Variants in MYLK observed in about 807,000 individuals in gnomAD.
MYLK encodes myosin light chain kinase, also known as myosin light chain kinase, smooth muscle.
MYLK carries 106 observed loss-of-function variants against 203.4 expected under a neutral mutation model. The observed-to-expected ratio is 0.52, with a 90% confidence interval of 0.45 to 0.61. The LOEUF is 0.61. Ranked by LOEUF, MYLK falls within the 20% of genes least tolerant of loss-of-function variation. The pLI is 0.00. For synonymous variants in MYLK, 867 were observed against 959.5 expected (o/e 0.90, Z 1.78); for missense variants, 2,072 against 2,442.3 (o/e 0.85, Z 3.20).
At chr3:123,861,583 C>T (rs1427523596) in intron 2 of MYLK, among the ~76,000 whole-genome samples, 16 of 152,234 alleles carry the variant, frequency 1.1e-4, no homozygotes, top group Non-Finnish European at 1.9e-4. Flanking sequence ...AAGCATTTAT[C>T]CATATGACTC....
chr3:123,808,090 C>T (rs565127895), intron 3 of MYLK, among the ~76,000 whole-genome samples: 6 of 152,342 alleles, frequency 3.9e-5, no homozygotes, highest in South Asian at 4.1e-4. Context: ...AGCTCAAGGC[C>T]GACAGTCAGG....
At position 123,737,465 on chromosome 3, in the gene MYLK, C is replaced by A. The variant is rs773207592; in HGVS notation, c.667G>T (p.Val223Phe). 2.5e-6 allele frequency: 4 copies of A among 1,614,094 alleles called. No homozygotes were observed. The African/African-American group carries it at 5.3e-5, about 22-fold the overall frequency. ...TACACTCCCACGTCATCTTGGTTGA[C>A]TCCATGGATTTCCAGAACCTGCATG... ...NGMQVLEIHG[V>F]NQDDVGVYTC... Residue 223 changes from valine to phenylalanine, a missense_variant, in exon 8 of 34, where the codon GTC becomes TTC. Around this residue, in one of 3 missense-constraint regions of MYLK, gnomAD observed 683 missense variants for 643.8 expected, o/e 1.06. Transcript: ENST00000360304.
intron 19 of MYLK, among the ~76,000 whole-genome samples, chr3:123,684,124 A>G (rs1394090722): frequency 1.3e-5 from 2 of 152,002 alleles, no homozygotes; most frequent in Admixed American, 6.6e-5. Flanking sequence ...CTACAGAAAA[A>G]TCCTCTGGAC....
intron 2 of MYLK, among the ~76,000 whole-genome samples, chr3:123,872,241 A>G (rs2032842734): frequency 6.6e-6 from 1 of 152,208 alleles, no homozygotes; most frequent in Admixed American, 6.5e-5. Context: ...AAAGTACCTT[A>G]TGGCCCACAA....
chr3:123,844,406 T>C (rs2066662032), intron 2 of MYLK, among the ~76,000 whole-genome samples: 1 of 152,162 alleles, frequency 6.6e-6, no homozygotes, highest in South Asian at 2.1e-4. Flanking sequence ...TTCCACATCA[T>C]TCCCAGCCAC....
chr3:123,817,666 G>A (rs1194837828), intron 3 of MYLK, among the ~76,000 whole-genome samples: 1 of 152,200 alleles, frequency 6.6e-6, no homozygotes, highest in African/African-American at 2.4e-5. Context: ...CCTCATGTGT[G>A]CAACGAGATT....
intron 12 of MYLK, among the ~76,000 whole-genome samples, chr3:123,722,765 A>G (rs981001955): frequency 1.3e-5 from 2 of 152,138 alleles, no homozygotes. Context: ...CTCCAGAAAC[A>G]ACGATTCAAT....
chr3:123,802,375 C>T (rs2065226149), intron 3 of MYLK, among the ~76,000 whole-genome samples: 1 of 152,244 alleles, frequency 6.6e-6, no homozygotes, highest in African/African-American at 2.4e-5. Context: ...CCTCTCCCTC[C>T]CCATGGCTTC....
intron 11 of MYLK, among the ~76,000 whole-genome samples, chr3:123,728,490 G>A (rs2062368997): frequency 6.6e-6 from 1 of 152,098 alleles, no homozygotes; most frequent in Admixed American, 6.6e-5. Flanking sequence ...CTGGGTGACA[G>A]AGCGAGACTC....
chr3:123,849,181 G>T (rs1366479722), intron 2 of MYLK, among the ~76,000 whole-genome samples: 2 of 152,076 alleles, frequency 1.3e-5, no homozygotes. Flanking sequence ...TCGCCATGTT[G>T]CTCAGGCTGG....
Position 123,865,753 on chromosome 3 carries a change from C to G in MYLK, c.-127+10806G>C, listed in dbSNP as rs553218034. Among the ~76,000 whole-genome samples, 178 of 152,266 alleles carry G rather than the reference C, an allele frequency of 1.2e-3. 2 individuals carry two copies. The Middle Eastern group carries it at 0.017, about 15-fold the overall frequency. On this transcript the variant is annotated intron_variant, in intron 2 of 33. Transcript: ENST00000360304. ...TCTTGTGGCAGTTTTAAAACATGGTCTCAAAATCTTTGACACTCCTCCTAC... is the reference window on the plus strand; with the variant it reads ...TCTTGTGGCAGTTTTAAAACATGGTGTCAAAATCTTTGACACTCCTCCTAC...
At chr3:123,760,474 G>T (rs1373585187) in intron 4 of MYLK, among the ~76,000 whole-genome samples, 1 of 152,162 alleles carries the variant, frequency 6.6e-6, no homozygotes, top group Non-Finnish European at 1.5e-5. Flanking sequence ...CACCACGCCT[G>T]GCTGAGAAGT....
chr3:123,631,104 G>A (rs1276704065), intron 29 of MYLK, among the ~76,000 whole-genome samples: 1 of 152,154 alleles, frequency 6.6e-6, no homozygotes, highest in African/African-American at 2.4e-5. Flanking sequence ...AGCCCCATGA[G>A]ATGGGTCTGG....
At chr3:123,638,260 G>A in intron 28 of MYLK, 66 bp from the exon 29 acceptor site, 1 of 1,608,498 alleles carries the variant, frequency 6.2e-7, no homozygotes. Flanking sequence ...ACCAGCAGCT[G>A]CCCGAATCTG....
At chr3:123,698,819 G>T in intron 18 of MYLK, 1 of 153,028 alleles carries the variant, frequency 6.5e-6, no homozygotes. Context: ...CGGGGGCTGA[G>T]AGGGATTCTG....
intron 2 of MYLK, among the ~76,000 whole-genome samples, chr3:123,862,213 C>T (rs564258456): frequency 3.9e-5 from 6 of 152,374 alleles, no homozygotes; most frequent in African/African-American, 1.4e-4. Flanking sequence ...TGTGCTAAAA[C>T]TATGCAGTTA....
chr3:123,742,432 G>A (rs1286100096), intron 5 of MYLK, among the ~76,000 whole-genome samples: 2 of 152,128 alleles, frequency 1.3e-5, no homozygotes, highest in South Asian at 4.2e-4. Flanking sequence ...TGGGGGTTGT[G>A]GTACTCTGAG....
chr3:123,750,119 C>T (rs139494203), intron 5 of MYLK, among the ~76,000 whole-genome samples: 127 of 152,354 alleles, frequency 8.3e-4, no homozygotes, highest in African/African-American at 2.9e-3. Flanking sequence ...AGCTTAAAAT[C>T]GGTCTTGCTG....
In MYLK at chr3:123,612,846, A is replaced by C. The variant is rs962487999; in HGVS notation, c.*1259T>G. 1 of 152,662 alleles carries C rather than the reference A, an allele frequency of 6.6e-6. No homozygotes were observed. Among genetic ancestry groups the C allele is most frequent in the Admixed American group, 6.5e-5 (1 of 15,284 alleles). The allele number at this position is 152,662 out of a possible 1,614,324, so 9.5% of individuals were successfully genotyped here. ...AAAAAGTATTTGGAATGTTACACACACACACAGAGGAAATGTATTAGGTCT... is the reference window on the plus strand; with the variant it reads ...AAAAAGTATTTGGAATGTTACACACCCACACAGAGGAAATGTATTAGGTCT... On this transcript the variant is annotated 3_prime_UTR_variant, in exon 34 of 34. Transcript: ENST00000360304.
Sources: allele counts gnomAD v4.1 joint callset (sites outside exome capture counted in the v4.1 genomes callset), GRCh38; gene constraint gnomAD v4.1.1; regional missense constraint gnomAD v4.1.1; transcripts MANE v1.5; gene names NCBI Gene and HGNC (gene_info 2026-07-23, HGNC 2026-07-21).